Variants in PPIL1 observed in about 807,000 individuals in gnomAD.
The protein encoded by PPIL1 is peptidylprolyl isomerase like 1, also known as peptidyl-prolyl cis-trans isomerase-like 1.
In PPIL1, 14 loss-of-function variants were observed where a neutral mutation model predicts 19.4. The observed-to-expected ratio is 0.72, with a 90% CI of 0.48 to 1.13. The LOEUF is 1.13. Among genes scored for constraint, PPIL1 ranks in the 50% most tolerant of loss-of-function variants. The pLI is 0.00. For missense variants in PPIL1, 192 were observed against 218.0 expected (o/e 0.88, Z 0.75); for synonymous variants, 72 against 73.6 (o/e 0.98, Z 0.11).
At position 36,856,274 on chromosome 6, in the gene PPIL1, T is replaced by C. The variant is rs1300512714; in HGVS notation, c.281-241A>G. On this transcript the variant is annotated intron_variant, in intron 3 of 3. Transcript: ENST00000373699. ...AGCCTTGACCCCTGATGCTCCTCAC[T>C]AACTGTGGACCATGTTCCTGACTGC... 2.0e-5 allele frequency among the ~76,000 whole-genome samples: 3 copies of C among 152,240 alleles called. 1 individual carries two copies. In the East Asian group the frequency reaches 5.8e-4, roughly 29 times the overall value.
At chr6:36,861,779 C>T (rs1774295763) in intron 2 of PPIL1, among the ~76,000 whole-genome samples, 2 of 151,840 alleles carry the variant, frequency 1.3e-5, no homozygotes, top group South Asian at 4.2e-4. Context: ...TCACCGCAAC[C>T]TCCGCCTCCC....
intron 2 of PPIL1, 130 bp downstream of exon 2, chr6:36,871,588 G>GA: frequency 8.6e-7 from 1 of 1,164,478 alleles, no homozygotes. Flanking sequence ...TTAGTAAGTG[G>GA]AAAAGAGAGC....
At chr6:36,856,142 C>T in intron 3 of PPIL1, 109 bp from the exon 4 acceptor site, 1 of 1,210,176 alleles carries the variant, frequency 8.3e-7, no homozygotes, top group Non-Finnish European at 1.2e-6. Flanking sequence ...TTGTTCTGGC[C>T]TCTGTCCAGA....
At chr6:36,859,810 A>ATTGT (rs1774242573) in intron 2 of PPIL1, among the ~76,000 whole-genome samples, 1 of 87,484 alleles carries the variant, frequency 1.1e-5, no homozygotes, top group Non-Finnish European at 2.3e-5. Context: ...CCTGTTTTCT[A>ATTGT]TTGTGTGTGT....
chr6:36,869,630 G>A (rs971224407), intron 2 of PPIL1, among the ~76,000 whole-genome samples: 1 of 152,096 alleles, frequency 6.6e-6, no homozygotes, highest in African/African-American at 2.4e-5. Context: ...CAGCACTTGC[G>A]AAGGTAAAAG....
At chr6:36,860,783 T>TA (rs1774271414) in intron 2 of PPIL1, among the ~76,000 whole-genome samples, 1 of 148,426 alleles carries the variant, frequency 6.7e-6, no homozygotes, top group Non-Finnish European at 1.5e-5. Flanking sequence ...AAAAAAAAAG[T>TA]ATTGCTGTTT....
chr6:36,861,395 A>G (rs1774285354), intron 2 of PPIL1, among the ~76,000 whole-genome samples: 1 of 152,166 alleles, frequency 6.6e-6, no homozygotes. Context: ...TGATACATAC[A>G]GTCATCCCTT....
At chr6:36,865,286 C>G (rs1774371298) in intron 2 of PPIL1, among the ~76,000 whole-genome samples, 1 of 152,218 alleles carries the variant, frequency 6.6e-6, no homozygotes. Context: ...ACTCAAGAGT[C>G]CCAAATGGTC....
In PPIL1 at chr6:36,866,117, G is replaced by C. The variant is rs545601062; in HGVS notation, c.211+5601C>G. 9.2e-5 allele frequency among the ~76,000 whole-genome samples: 14 copies of C among 152,332 alleles called. No individual in the cohort carries two copies. The East Asian group carries it at 2.7e-3, about 29-fold the overall frequency. ...GATGTTATGTCTTACAGAGAGGACA[G>C]AAAGGTTAGTAGAAACAAATAAAAG... On this transcript the variant is annotated intron_variant, in intron 2 of 3. Coordinates refer to ENST00000373699, the MANE Select transcript of PPIL1 (RefSeq NM_016059.5).
At chr6:36,863,971 C>G (rs149112847) in intron 2 of PPIL1, among the ~76,000 whole-genome samples, 1 of 152,048 alleles carries the variant, frequency 6.6e-6, no homozygotes, top group African/African-American at 2.4e-5. Flanking sequence ...GAAGACCTTC[C>G]CTTCCAAACC....
At position 36,861,998 on chromosome 6, in the gene PPIL1, T is replaced by G. The variant is rs548465517; in HGVS notation, c.212-5344A>C. Among the ~76,000 whole-genome samples the G allele has an allele frequency of 3.3e-5, 5 of 152,288 alleles. No individual in the cohort carries two copies. The South Asian group carries it at 8.3e-4, about 25-fold the overall frequency. ...GGTGTGAGCCACTGTGCCTGGCCTG[T>G]GTTGTTTCTTAAAAACAAAACACAA... is the stretch of plus-strand genomic sequence containing the variant. On this transcript the variant is annotated intron_variant, in intron 2 of 3. Coordinates refer to ENST00000373699, the MANE Select transcript of PPIL1 (RefSeq NM_016059.5).
rs534294788 is a variant in PPIL1 at position 36,868,219 on chromosome 6, A to G, written c.211+3499T>C. ...AGTGAAGGAAACAAATTTAGATTCA[A>G]ATGGCATCAGTAATGAGCTAGTAGA... On this transcript the variant is annotated intron_variant, in intron 2 of 3. Transcript: ENST00000373699. Among the ~76,000 whole-genome samples the G allele has an allele frequency of 2.0e-5, 3 of 152,358 alleles. No individual in the cohort carries two copies. The East Asian group carries it at 5.8e-4, about 29-fold the overall frequency.
At chr6:36,861,178 T>C (rs1402314880) in intron 2 of PPIL1, among the ~76,000 whole-genome samples, 1 of 152,126 alleles carries the variant, frequency 6.6e-6, no homozygotes, top group Admixed American at 6.5e-5. Context: ...CTAAGTGCCT[T>C]ATTGAAAAGG....
intron 2 of PPIL1, among the ~76,000 whole-genome samples, chr6:36,867,493 C>T (rs1216698611): frequency 6.6e-6 from 1 of 152,224 alleles, no homozygotes; most frequent in African/African-American, 2.4e-5. Flanking sequence ...TCACAAATAC[C>T]CTCCGATTCT....
intron 2 of PPIL1, among the ~76,000 whole-genome samples, chr6:36,866,649 G>C (rs1774398841): frequency 6.6e-6 from 1 of 152,124 alleles, no homozygotes; most frequent in South Asian, 2.1e-4. Flanking sequence ...TGTGGCATGA[G>C]CAACTCACAC....
Position 36,855,908 on chromosome 6 carries a change from T to C in PPIL1, c.406A>G (p.Ile136Val). The C allele has an allele frequency of 6.2e-7, 1 of 1,614,148 alleles. No individual in the cohort carries two copies. Residue 136 changes from isoleucine to valine, a missense_variant, in exon 4 of 4, where the codon ATA (isoleucine) becomes GTA (valine). By Grantham distance (29) the Ile-to-Val change is conservative. Coordinates refer to ENST00000373699, the MANE Select transcript of PPIL1 (RefSeq NM_016059.5). ...HTIFGRVCQG[I>V]GMVNRVGMVE... is the part of the protein sequence containing the mutation. ...ATTCCCACGCGATTCACCATTCCTA[T>C]GCCCTGACACACTCGGCCAAAAATG...
rs569695970 is a variant in PPIL1, at chr6:36,860,855, G to A, written c.212-4201C>T. ...ACCCCTAAAAAAAAAAAGTATTGTT[G>A]TTTTGCATGTTTTTAAGCTTACATA... is the stretch of plus-strand genomic sequence containing the variant. On this transcript the variant is annotated intron_variant, in intron 2 of 3. Transcript: ENST00000373699. Among the ~76,000 whole-genome samples the A allele has an allele frequency of 2.8e-5, 4 of 142,772 alleles. No individual in the cohort carries two copies. In the East Asian group the frequency reaches 8.2e-4, roughly 29 times the overall value. The allele number at this position is 142,772 out of a possible 152,430, so 93.7% of individuals were successfully genotyped here.
At chr6:36,860,797 AT>A (rs1203381122) in intron 2 of PPIL1, among the ~76,000 whole-genome samples, 1 of 148,948 alleles carries the variant, frequency 6.7e-6, no homozygotes, top group African/African-American at 2.5e-5. Context: ...GCTGTTTTGC[AT>A]GTTTTTAAGC....
intron 2 of PPIL1, among the ~76,000 whole-genome samples, chr6:36,870,125 A>G (rs1395177574): frequency 2.0e-5 from 3 of 151,684 alleles, no homozygotes; most frequent in African/African-American, 7.3e-5. Flanking sequence ...CAAAAACCTG[A>G]ATGCTTCTGA....
Sources: gnomAD v4.1 joint callset for allele counts (sites outside exome capture counted in the v4.1 genomes callset) on GRCh38, gnomAD v4.1.1 for gene constraint, MANE v1.5 for transcripts, NCBI Gene and HGNC (gene_info 2026-07-23, HGNC 2026-07-21) for gene names.